The following CNKSR2 variants were observed in gnomAD, a reference collection of about 807,000 sequenced individuals.
The protein encoded by CNKSR2 is CNK homolog protein 2.
A neutral mutation model predicts 84.4 loss-of-function variants in CNKSR2; 14 were observed. The observed-to-expected ratio is 0.17, with a 90% CI of 0.11 to 0.26. The LOEUF is 0.26. Ranked by LOEUF, CNKSR2 falls within the 10% of genes least tolerant of loss-of-function variation. The pLI is 1.00. For missense variants in CNKSR2, 485 were observed against 771.2 expected, an observed-to-expected ratio of 0.63 and a Z score of 4.40; for synonymous variants, 275 against 277.9, an observed-to-expected ratio of 0.99 and a Z score of 0.10.
At chrX:21,507,886 T>C (rs2091630049) in intron 8 of CNKSR2, among the ~76,000 whole-genome samples, 1 of 112,120 alleles carries the variant, frequency 8.9e-6, no homozygotes, top group Non-Finnish European at 1.9e-5. Flanking sequence ...TTAGCTTTGG[T>C]GACTGGGAGT....
At chrX:21,604,706 A>G (rs1258088481) in intron 18 of CNKSR2, among the ~76,000 whole-genome samples, 1 of 111,329 alleles carries the variant, frequency 9.0e-6, no homozygotes, top group African/African-American at 3.3e-5. Context: ...CACAGGTGCC[A>G]CAGTTCCTGG....
Position 21,396,204 on chromosome X carries a change from T to A in CNKSR2, c.64+21243T>A, listed in dbSNP as rs1293478055. Among the ~76,000 whole-genome samples the A allele has an allele frequency of 2.7e-5, 3 of 111,217 alleles. No individual in the cohort carries two copies. In the Admixed American group the frequency reaches 2.9e-4, roughly 11 times the overall value. ...TAATATACAAAAAGTTTCAGGTGGC[T>A]GAAGCCCTAATATATTAAAAACAAA... is the stretch of plus-strand genomic sequence containing the variant. On this transcript the variant is annotated intron_variant, in intron 1 of 21. Coordinates refer to ENST00000379510, the MANE Select transcript of CNKSR2 (RefSeq NM_014927.5).
At chrX:21,535,027 C>T (rs1340633710) in intron 11 of CNKSR2, among the ~76,000 whole-genome samples, 3 of 110,759 alleles carry the variant, frequency 2.7e-5, no homozygotes, top group Non-Finnish European at 5.7e-5. Flanking sequence ...TATATTTAAG[C>T]GTTTAATCCA....
At chrX:21,387,986 G>A (rs2089994794) in intron 1 of CNKSR2, among the ~76,000 whole-genome samples, 1 of 106,950 alleles carries the variant, frequency 9.4e-6, no homozygotes, top group Non-Finnish European at 1.9e-5. Context: ...TGCAAGCTCC[G>A]CCTCCCGGGT....
At chrX:21,596,483 T>C (rs2147260333) in intron 17 of CNKSR2, among the ~76,000 whole-genome samples, 1 of 111,826 alleles carries the variant, frequency 8.9e-6, no homozygotes, top group Non-Finnish European at 1.9e-5. Flanking sequence ...ACTATTAATA[T>C]ATATTCCTTT....
intron 5 of CNKSR2, among the ~76,000 whole-genome samples, chrX:21,476,114 G>T (rs66640067): frequency 0.2 from 21,803 of 110,165 alleles, 5,279 homozygotes; most frequent in African/African-American, 0.68. Flanking sequence ...TGGGTAAGAG[G>T]AGAGGAAGTA....
At chrX:21,616,056 A>G (rs1297222661) in intron 20 of CNKSR2, among the ~76,000 whole-genome samples, 2 of 111,656 alleles carry the variant, frequency 1.8e-5, no homozygotes, top group African/African-American at 6.5e-5. Context: ...TGAAATGTTT[A>G]TTTATAGATC....
intron 3 of CNKSR2, 111 bp from the exon 4 acceptor site, chrX:21,440,583 A>T (rs2090770454): frequency 6.3e-6 from 2 of 319,215 alleles, no homozygotes; most frequent in African/African-American, 5.5e-5. Context: ...CAGTATGGAA[A>T]TTTCAGAACA....
intron 3 of CNKSR2, among the ~76,000 whole-genome samples, chrX:21,433,694 A>G (rs1198698713): frequency 2.8e-5 from 3 of 107,000 alleles, no homozygotes; most frequent in African/African-American, 6.8e-5. Flanking sequence ...ACACACACAC[A>G]CGCCAGTATT....
intron 4 of CNKSR2, among the ~76,000 whole-genome samples, chrX:21,458,684 G>A (rs1385628998): frequency 9.0e-6 from 1 of 111,261 alleles, no homozygotes; most frequent in Non-Finnish European, 1.9e-5. Flanking sequence ...GGGGTTTGTT[G>A]TATAGATTAT....
chrX:21,395,408 C>T lies in CNKSR2; in HGVS notation c.64+20447C>T, dbSNP rs368951091. Among the ~76,000 whole-genome samples the T allele has an allele frequency of 7.8e-4, 87 of 111,497 alleles. 1 individual carries two copies. Among genetic ancestry groups the T allele is most frequent in the Admixed American group, 1.9e-3 (20 of 10,503 alleles). On this transcript the variant is annotated intron_variant, in intron 1 of 21. Transcript: ENST00000379510. ...TTTTTGATATTGACATGTTTCTAAACGACAGTGGATAGTAAGATGTCAGAT... is the reference window on the plus strand; with the variant it reads ...TTTTTGATATTGACATGTTTCTAAATGACAGTGGATAGTAAGATGTCAGAT...
chrX:21,490,923 C>T (rs1444962226), intron 6 of CNKSR2: 1 of 116,613 alleles, frequency 8.6e-6, no homozygotes, highest in Non-Finnish European at 1.8e-5. Flanking sequence ...GTTACCTGCT[C>T]ATGAAAGTTG....
At chrX:21,642,939 A>G in intron 20 of CNKSR2, 1 of 460,243 alleles carries the variant, frequency 2.2e-6, no homozygotes, top group Non-Finnish European at 2.7e-6. Context: ...TCTGGTATAT[A>G]GAAATCCATC....
chrX:21,374,605 CA>C lies in CNKSR2; in HGVS notation c.-292del, dbSNP rs1463864722. The C allele has an allele frequency of 2.0e-6, 1 of 491,631 alleles. No individual in the cohort carries two copies. Among genetic ancestry groups the C allele is most frequent in the Non-Finnish European group, 3.6e-6 (1 of 279,736 alleles). The allele number at this position is 491,631 out of a possible 1,213,427, so 40.5% of individuals were successfully genotyped here. On this transcript the variant is annotated 5_prime_UTR_variant, in exon 1 of 22. Transcript: ENST00000379510. ...AGCGGAGCGGCGGAGGCAGCAGCAG[CA>C]GCAGCAGCAGCAGCAGCAGCAGCAG...
intron 8 of CNKSR2, among the ~76,000 whole-genome samples, chrX:21,513,459 A>G (rs760106602): frequency 8.9e-6 from 1 of 112,273 alleles, no homozygotes; most frequent in South Asian, 3.7e-4. Context: ...TATTTGACCT[A>G]TGCAAGAATA....
At chrX:21,627,675 A>C (rs1393713115) in intron 20 of CNKSR2, among the ~76,000 whole-genome samples, 1 of 111,623 alleles carries the variant, frequency 9.0e-6, no homozygotes, top group East Asian at 2.8e-4. Context: ...CATTTTTAAA[A>C]CAGTCAGATG....
At chrX:21,594,941 A>G in intron 15 of CNKSR2, 33 bp from the exon 16 acceptor site, 1 of 1,095,009 alleles carries the variant, frequency 9.1e-7, no homozygotes, top group Non-Finnish European at 1.3e-6. Context: ...ACCTTTGTAT[A>G]TAATAAACTA....
chrX:21,498,581 T>C (rs930072644), intron 7 of CNKSR2, among the ~76,000 whole-genome samples: 3 of 111,723 alleles, frequency 2.7e-5, no homozygotes, highest in Non-Finnish European at 3.8e-5. Context: ...GGAAACAAAT[T>C]ATCTGCACTA....
At chrX:21,584,384 C>T (rs2092372495) in intron 13 of CNKSR2, among the ~76,000 whole-genome samples, 1 of 112,446 alleles carries the variant, frequency 8.9e-6, no homozygotes, top group Admixed American at 9.4e-5. Flanking sequence ...TGTGCTAAGT[C>T]TTACTCTAGG....
Sources: gnomAD v4.1 joint callset for allele counts (sites outside exome capture counted in the v4.1 genomes callset) on GRCh38, gnomAD v4.1.1 for gene constraint, MANE v1.5 for transcripts, NCBI Gene and HGNC (gene_info 2026-07-23, HGNC 2026-07-21) for gene names.